SLC44A5: variants seen among roughly 807,000 people sequenced by gnomAD.
SLC44A5 encodes the protein solute carrier family 44 member 5, also known as choline transporter-like protein 5.
A neutral mutation model predicts 101.8 loss-of-function variants in SLC44A5; 57 were observed. The observed-to-expected ratio is 0.56, with a 90% CI of 0.45 to 0.70. The LOEUF (loss-of-function observed/expected upper bound fraction) is 0.70, where lower values mean the gene tolerates loss of function less well. Ranked by LOEUF, SLC44A5 falls within the 30% of genes least tolerant of loss-of-function variation. The pLI, the probability that SLC44A5 is intolerant of heterozygous loss-of-function variation, is 0.00. For missense variants in SLC44A5, 737 were observed against 853.1 expected, an observed-to-expected ratio of 0.86 and a Z score of 1.70; for synonymous variants, 281 against 290.9, an observed-to-expected ratio of 0.97 and a Z score of 0.35.
intron 4 of SLC44A5, among the ~76,000 whole-genome samples, chr1:75,326,969 G>A (rs1302158146): frequency 6.6e-6 from 1 of 152,002 alleles, no homozygotes; most frequent in East Asian, 1.9e-4. Flanking sequence ...AGCATTTTCA[G>A]GAAGAAAACA....
the SLC44A5 span, among the ~76,000 whole-genome samples, chr1:75,674,002 A>T: frequency 6.6e-6 from 1 of 152,200 alleles, no homozygotes; most frequent in Non-Finnish European, 1.5e-5. Flanking sequence ...TTTAATGCCC[A>T]GACACCAATG....
chr1:75,510,303 C>A (rs1386013763), intron 2 of SLC44A5, among the ~76,000 whole-genome samples: 2 of 152,086 alleles, frequency 1.3e-5, no homozygotes, highest in African/African-American at 2.4e-5. Flanking sequence ...TCCTAAAATG[C>A]AGCAGAAAGT....
chr1:75,573,809 A>T (rs982326851), intron 1 of SLC44A5, among the ~76,000 whole-genome samples: 5 of 152,206 alleles, frequency 3.3e-5, no homozygotes, highest in South Asian at 4.1e-4. Context: ...GCCAGAAAAA[A>T]AAAAGATATT....
intron 4 of SLC44A5, among the ~76,000 whole-genome samples, chr1:75,311,988 A>C (rs1350918807): frequency 6.6e-6 from 1 of 152,168 alleles, no homozygotes; most frequent in Non-Finnish European, 1.5e-5. Flanking sequence ...CCCAAACTTC[A>C]TCTTGAATTG....
the SLC44A5 span, chr1:75,641,911 T>G: frequency 1.2e-6 from 2 of 1,604,818 alleles, no homozygotes; most frequent in South Asian, 2.2e-5. Context: ...TTTCCTTCAT[T>G]GGTTTGGATT....
intron 2 of SLC44A5, among the ~76,000 whole-genome samples, chr1:75,451,372 C>T (rs1218570659): frequency 1.3e-5 from 2 of 152,140 alleles, no homozygotes; most frequent in Non-Finnish European, 1.5e-5. Context: ...TTGAACTGCA[C>T]AGCCCAATAT....
chr1:75,410,056 T>C (rs1268429030), intron 2 of SLC44A5, among the ~76,000 whole-genome samples: 1 of 152,188 alleles, frequency 6.6e-6, no homozygotes, highest in Non-Finnish European at 1.5e-5. Context: ...TCAGATATAA[T>C]GTGTCTTACT....
At chr1:75,344,656 G>A (rs1658118604) in intron 3 of SLC44A5, among the ~76,000 whole-genome samples, 1 of 152,152 alleles carries the variant, frequency 6.6e-6, no homozygotes. Context: ...CTTTAAAGAT[G>A]TAAGAGAGTC....
intron 3 of SLC44A5, among the ~76,000 whole-genome samples, chr1:75,372,332 C>T (rs934315392): frequency 1.3e-5 from 2 of 152,028 alleles, no homozygotes; most frequent in African/African-American, 4.8e-5. Flanking sequence ...TACTTTTCCC[C>T]AGATGCCTAA....
chr1:75,376,216 C>A (rs1660587474), intron 3 of SLC44A5, among the ~76,000 whole-genome samples: 1 of 152,250 alleles, frequency 6.6e-6, no homozygotes, highest in Admixed American at 6.5e-5. Context: ...ATTGCTAGCA[C>A]AGCAGTCTGA....
chr1:75,535,298 G>A (rs1211979485), intron 2 of SLC44A5, among the ~76,000 whole-genome samples: 1 of 152,114 alleles, frequency 6.6e-6, no homozygotes, highest in Non-Finnish European at 1.5e-5. Flanking sequence ...GGAAGAAGGA[G>A]GAAAGCAGCA....
chr1:75,565,928 C>G (rs935862129), intron 1 of SLC44A5, among the ~76,000 whole-genome samples: 13 of 152,128 alleles, frequency 8.5e-5, no homozygotes, highest in African/African-American at 3.1e-4. Flanking sequence ...GCATCCAAAA[C>G]TTATTAATAT....
chr1:75,229,414 T>C (rs972441656), intron 12 of SLC44A5, among the ~76,000 whole-genome samples: 6 of 152,136 alleles, frequency 3.9e-5, no homozygotes, highest in African/African-American at 1.4e-4. Context: ...CCTACTATTT[T>C]TTCCTTTACT....
chr1:75,586,980 A>G (rs1674042191), intron 1 of SLC44A5, among the ~76,000 whole-genome samples: 1 of 152,012 alleles, frequency 6.6e-6, no homozygotes, highest in South Asian at 2.1e-4. Flanking sequence ...CAGCTCTTTT[A>G]TCAAAGCAGT....
At chr1:75,626,007 T>C in the SLC44A5 span, among the ~76,000 whole-genome samples, 1 of 152,128 alleles carries the variant, frequency 6.6e-6, no homozygotes, top group African/African-American at 2.4e-5. Flanking sequence ...TGAGGAAGTA[T>C]GTTGTGGGGA....
chr1:75,442,089 A>C (rs1211990467), intron 2 of SLC44A5, among the ~76,000 whole-genome samples: 1 of 152,188 alleles, frequency 6.6e-6, no homozygotes, highest in Non-Finnish European at 1.5e-5. Context: ...AATTCAGTTA[A>C]TTCTCATAAA....
At chr1:75,358,173 T>C (rs1659221495) in intron 3 of SLC44A5, among the ~76,000 whole-genome samples, 1 of 152,118 alleles carries the variant, frequency 6.6e-6, no homozygotes, top group Admixed American at 6.6e-5. Context: ...GAACAGAAAA[T>C]TGGTAAGTTT....
rs141351085 is a variant in SLC44A5 at position 75,282,988 on chromosome 1, G to A, written c.176-7946C>T. 7.2e-5 allele frequency among the ~76,000 whole-genome samples: 11 copies of A among 152,186 alleles called. No individual in the cohort carries two copies. In the East Asian group the frequency reaches 1.4e-3, roughly 19 times the overall value. ...ACATGCGTGTGCAAGTATCTTTTTC[G>A]TATAATGATTTCTTTTTCTCTGGGT... On this transcript the variant is annotated intron_variant, in intron 5 of 23. Transcript: ENST00000370859.
At chr1:75,414,294 CATACAT>C in intron 2 of SLC44A5, among the ~76,000 whole-genome samples, 1 of 147,040 alleles carries the variant, frequency 6.8e-6, no homozygotes, top group Non-Finnish European at 1.5e-5. Flanking sequence ...TACATACATA[CATACAT>C]ACATACATAC....
Sources: allele counts gnomAD v4.1 joint callset (sites outside exome capture counted in the v4.1 genomes callset), GRCh38; gene constraint gnomAD v4.1.1; transcripts MANE v1.5; gene names NCBI Gene and HGNC (gene_info 2026-07-23, HGNC 2026-07-21).